Variants in KEL observed in about 807,000 individuals in gnomAD.
KEL encodes the protein kell blood group glycoprotein.
Under a neutral mutation model 99.5 loss-of-function variants are expected in KEL, and 96 were observed. That is an observed-to-expected ratio of 0.97 (90% CI 0.82 to 1.14). The LOEUF is 1.14. Among genes scored for constraint, KEL ranks in the 50% most tolerant of loss-of-function variants. KEL has a pLI of 0.00. For synonymous variants in KEL, 355 were observed against 354.8 expected, an observed-to-expected ratio of 1.00 and a Z score of -0.01; for missense variants, 926 against 924.2, an observed-to-expected ratio of 1.00 and a Z score of -0.03.
Position 142,943,867 on chromosome 7 carries a change from C to T in KEL, c.1508G>A (p.Ser503Asn). 6.2e-7 allele frequency: 1 copy of T among 1,614,076 alleles called. No homozygotes were observed. Among genetic ancestry groups the T allele is most frequent in the Non-Finnish European group, 8.5e-7 (1 of 1,179,974 alleles). The change falls in exon 14 of 19, where the codon AGC (serine) becomes AAC (asparagine). Residue 503 changes from serine to asparagine, a missense_variant. Physicochemically the swap from Ser to Asn is conservative, Grantham distance 46. Coordinates refer to ENST00000355265, the MANE Select transcript of KEL (RefSeq NM_000420.3). ...ACAGCTCAGGACAGACTGCAGGAAG[C>T]TCGATCCAAGCTGTATCTGGGGAAG... ...QEYNDIQLGS[S>N]FLQSVLSCVR...
chr7:142,959,946 C>T (rs1796914345), intron 4 of KEL, among the ~76,000 whole-genome samples: 1 of 152,194 alleles, frequency 6.6e-6, no homozygotes, highest in African/African-American at 2.4e-5. Context: ...AGTGTCAACA[C>T]ATTCTTTAGG....
rs372765965 is a variant in KEL at position 142,957,908 on chromosome 7, C to T, written c.591G>A (p.Leu197=). The T allele has an allele frequency of 6.2e-7, 1 of 1,614,066 alleles. No individual in the cohort carries two copies. The highest frequency in any genetic ancestry group is 8.5e-7 in the Non-Finnish European group (1 of 1,180,004). ...SLNFNRTLRL[L]MSQYGHFPFF... ...AAGGGAAATGGCCATACTGACTCATCAGAAGTCTCAGCGTTCGGTTAAAGT... is the reference window on the plus strand; with the variant it reads ...AAGGGAAATGGCCATACTGACTCATTAGAAGTCTCAGCGTTCGGTTAAAGT... Residue 197 remains leucine, a synonymous_variant, in exon 6 of 19, where the codon CTG becomes CTA. Coordinates refer to ENST00000355265, the MANE Select transcript of KEL (RefSeq NM_000420.3).
At chr7:142,943,149 A>C (rs945907123) in intron 16 of KEL, 105 bp from the exon 17 acceptor site, 8 of 1,552,918 alleles carry the variant, frequency 5.2e-6, no homozygotes, top group Non-Finnish European at 7.1e-6. Flanking sequence ...TCCCAGGAGC[A>C]TGGCAAAGTT....
At chr7:142,943,671 C>T in intron 14 of KEL, 75 bp from the exon 15 acceptor site, 1 of 1,426,862 alleles carries the variant, frequency 7.0e-7, no homozygotes, top group Non-Finnish European at 9.9e-7. Context: ...CACAGTCCCT[C>T]CCAACTACCA....
intron 5 of KEL, 100 bp from the exon 6 acceptor site, chr7:142,958,073 C>T: frequency 1.4e-6 from 2 of 1,464,650 alleles, no homozygotes; most frequent in Non-Finnish European, 1.9e-6. Flanking sequence ...TGACCTCTGC[C>T]CTGCGCCCTT....
At chr7:142,961,284 C>CA (rs2116353332) in intron 3 of KEL, 76 bp downstream of exon 3, 1 of 1,603,010 alleles carries the variant, frequency 6.2e-7, no homozygotes, top group South Asian at 1.1e-5. Context: ...GCAGAAGCCC[C>CA]AGGAGCAGGG....
intron 8 of KEL, 94 bp downstream of exon 8, chr7:142,954,090 G>C (rs926023252): frequency 6.1e-5 from 87 of 1,426,598 alleles, no homozygotes; most frequent in Admixed American, 2.3e-4. Context: ...AGAATGAAAA[G>C]GTATTAAGGG....
chr7:142,962,241 G>C lies in KEL; in HGVS notation c.-35C>G. ...TTCTGTGGCTCCAGAATCCTTCCTGGTTCCACTCTAGGAGCTGATTCGGAG... is the reference window on the plus strand; with the variant it reads ...TTCTGTGGCTCCAGAATCCTTCCTGCTTCCACTCTAGGAGCTGATTCGGAG... On this transcript the variant is annotated 5_prime_UTR_variant, in exon 1 of 19. Transcript: ENST00000355265. 1 of 1,614,002 alleles carries C rather than the reference G, an allele frequency of 6.2e-7. No individual in the cohort carries two copies. Among genetic ancestry groups the C allele is most frequent in the Non-Finnish European group, 8.5e-7 (1 of 1,179,898 alleles).
intron 12 of KEL, 102 bp downstream of exon 12, chr7:142,944,541 C>T (rs1423146439): frequency 4.2e-6 from 5 of 1,198,040 alleles, no homozygotes; most frequent in East Asian, 4.7e-5. Context: ...TTAGCATGTG[C>T]CTGGGGGGGC....
At chr7:142,958,471 T>C in intron 4 of KEL, 43 bp from the exon 5 acceptor site, 1 of 1,603,324 alleles carries the variant, frequency 6.2e-7, no homozygotes, top group Non-Finnish European at 8.5e-7. Flanking sequence ...TCTGATTTTT[T>C]TTATCTTGCC....
intron 15 of KEL, 52 bp from the exon 16 acceptor site, chr7:142,943,395 C>A (rs769597762): frequency 6.2e-7 from 1 of 1,610,542 alleles, no homozygotes; most frequent in South Asian, 1.1e-5. Context: ...CATTTGTGAC[C>A]CCAATTCTCC....
At chr7:142,954,868 T>G (rs761953757) in intron 6 of KEL, among the ~76,000 whole-genome samples, 6 of 152,038 alleles carry the variant, frequency 3.9e-5, no homozygotes, top group Non-Finnish European at 8.8e-5. Flanking sequence ...AGGTACAAAA[T>G]CTAAGAGGTA....
chr7:142,954,293 G>C lies in KEL; in HGVS notation c.815C>G (p.Ser272Cys), dbSNP rs776162583. Reference protein sequence around the residue: ...GGDPSKVQEHSSLSISITSRL... With the variant: ...GGDPSKVQEHCSLSISITSRL... ...TGAAGTGATGGAGATTGACAAGGAA[G>C]AGTGTTCTTGCACCTTGCTTGGGTC... Residue 272 changes from serine to cysteine, a missense_variant, in exon 8 of 19, where the codon TCT becomes TGT. Transcript: ENST00000355265. The C allele has an allele frequency of 6.2e-7, 1 of 1,614,088 alleles. No individual in the cohort carries two copies. The highest frequency in any genetic ancestry group is 1.1e-5 in the South Asian group (1 of 91,082).
intron 1 of KEL, 165 bp from the exon 2 acceptor site, chr7:142,962,037 G>C: frequency 6.2e-7 from 1 of 1,609,788 alleles, no homozygotes; most frequent in South Asian, 1.1e-5. Flanking sequence ...GAACGAACCT[G>C]TCCCCTGAAT....
In KEL at chr7:142,941,186, T is replaced by C; in HGVS notation, c.*66A>G. Reference sequence around the variant, plus strand: ...AAGCAGAAAGGAAATCTTGCTCTGATTCCATGGATGTGACCAGGGAGGTGT... The same window carrying C: ...AAGCAGAAAGGAAATCTTGCTCTGACTCCATGGATGTGACCAGGGAGGTGT... On this transcript the variant is annotated 3_prime_UTR_variant, in exon 19 of 19. Transcript: ENST00000355265. 1.3e-6 allele frequency: 2 copies of C among 1,540,786 alleles called. No individual in the cohort carries two copies. The highest frequency in any genetic ancestry group is 2.2e-5 in the East Asian group (1 of 44,534).
At position 142,943,001 on chromosome 7, in the gene KEL, C is replaced by A; in HGVS notation, c.1815G>T (p.Gln605His). 6.2e-7 allele frequency: 1 copy of A among 1,614,164 alleles called. No individual in the cohort carries two copies. The highest frequency in any genetic ancestry group is 8.5e-7 in the Non-Finnish European group (1 of 1,180,032). ...GCLACDNHAL[Q>H]EAHLCLKRHY... ...GGCGCTTCAGGCACAGGTGAGCTTC[C>A]TGGAGGGCATGGTTGTCACAGGCGA... The change falls in exon 17 of 19, where the codon CAG (glutamine) becomes CAT (histidine). Residue 605 changes from glutamine to histidine, a missense_variant. By Grantham distance (24) the Gln-to-His change is conservative. Transcript: ENST00000355265.
intron 10 of KEL, among the ~76,000 whole-genome samples, chr7:142,947,310 G>A (rs554385033): frequency 5.9e-5 from 9 of 152,188 alleles, no homozygotes; most frequent in South Asian, 4.2e-4. Flanking sequence ...ACCTGCCCAC[G>A]GGGAAGGTAG....
chr7:142,943,653 G>A (rs2116641531), intron 14 of KEL, 57 bp from the exon 15 acceptor site: 1 of 1,458,240 alleles, frequency 6.9e-7, no homozygotes, highest in Non-Finnish European at 9.6e-7. Flanking sequence ...CTGCCACCCT[G>A]AGACCTACAC....
At position 142,962,205 on chromosome 7, in the gene KEL, ATCTG is replaced by A; in HGVS notation, c.-3_1del. 1 of 1,613,926 alleles carries A rather than the reference ATCTG, an allele frequency of 6.2e-7. No individual in the cohort carries two copies. The highest frequency in any genetic ancestry group is 1.3e-5 in the African/African-American group (1 of 74,942). On this transcript the variant is annotated start_lost and splice_region_variant and start_retained_variant and 5_prime_UTR_variant, in exon 1 of 19. Coordinates refer to ENST00000355265, the MANE Select transcript of KEL (RefSeq NM_000420.3). ...CTCTGACTCCAAAAGGGGACTTACC[ATCTG>A]TCTATCTTCTGTGGCTCCAGAATCC...
Sources: allele counts gnomAD v4.1 joint callset (sites outside exome capture counted in the v4.1 genomes callset), GRCh38; gene constraint gnomAD v4.1.1; transcripts MANE v1.5; gene names NCBI Gene and HGNC (gene_info 2026-07-23, HGNC 2026-07-21).